Variants in PCDH11X observed in about 807,000 individuals in gnomAD.
PCDH11X encodes protocadherin 11 X-linked.
In PCDH11X, 18 loss-of-function variants were observed where a neutral mutation model predicts 53.3. The observed-to-expected ratio is 0.34, with a 90% CI of 0.23 to 0.50. The LOEUF is 0.50. PCDH11X is among the 20% of genes least tolerant of loss of function. PCDH11X has a pLI of 0.98. For missense variants in PCDH11X, 570 were observed against 1,032.4 expected (o/e 0.55, Z 6.14); for synonymous variants, 279 against 393.3 (o/e 0.71, Z 3.44).
chrX:92,042,022 G>A lies in PCDH11X; in HGVS notation c.3034-159353G>A, dbSNP rs1391178703. 2.7e-5 allele frequency among the ~76,000 whole-genome samples: 3 copies of A among 111,550 alleles called. No individual in the cohort carries two copies. In the East Asian group the frequency reaches 8.5e-4, roughly 32 times the overall value. ...CATTTTGATGTTATAGTGAGACATGGGATTATTGATAAATCAATTTTAATA... is the reference window on the plus strand; with the variant it reads ...CATTTTGATGTTATAGTGAGACATGAGATTATTGATAAATCAATTTTAATA... On this transcript the variant is annotated intron_variant, in intron 6 of 10. Coordinates refer to ENST00000682573, the MANE Select transcript of PCDH11X (RefSeq NM_032968.5).
chrX:92,023,005 C>T (rs765812809), intron 6 of PCDH11X, among the ~76,000 whole-genome samples: 27 of 110,687 alleles, frequency 2.4e-4, no homozygotes, highest in African/African-American at 8.9e-4. Flanking sequence ...ATCTCTTGGA[C>T]ACAGCTAAAG....
chrX:92,541,563 C>G (rs1040143509), intron 10 of PCDH11X, among the ~76,000 whole-genome samples: 1 of 111,398 alleles, frequency 9.0e-6, no homozygotes, highest in Non-Finnish European at 1.9e-5. Flanking sequence ...TGTGCAGATA[C>G]TTGTTAAAAT....
intron 10 of PCDH11X, among the ~76,000 whole-genome samples, chrX:92,584,781 T>C (rs1001879999): frequency 5.8e-5 from 5 of 85,859 alleles, no homozygotes; most frequent in African/African-American, 1.0e-4. Flanking sequence ...CATTATTCTC[T>C]TTTTTTCCTT....
chrX:92,491,264 G>A (rs777715285), intron 10 of PCDH11X, among the ~76,000 whole-genome samples: 3 of 110,726 alleles, frequency 2.7e-5, no homozygotes, highest in Non-Finnish European at 5.7e-5. Flanking sequence ...ATAATAAATC[G>A]CACTTTGAAA....
intron 8 of PCDH11X, among the ~76,000 whole-genome samples, chrX:92,354,655 C>T (rs35947359): frequency 9.0e-6 from 1 of 111,548 alleles, no homozygotes; most frequent in African/African-American, 3.3e-5. Flanking sequence ...GAATTCTGTA[C>T]TCCAAATATT....
chrX:91,824,707 G>C (rs1353826499), intron 4 of PCDH11X, among the ~76,000 whole-genome samples: 2 of 107,641 alleles, frequency 1.9e-5, no homozygotes, highest in African/African-American at 7.3e-5. Context: ...GCTTTGTTCC[G>C]TTGCTGGTGA....
intron 10 of PCDH11X, among the ~76,000 whole-genome samples, chrX:92,603,164 G>A (rs1410813717): frequency 9.7e-6 from 1 of 103,541 alleles, no homozygotes; most frequent in Non-Finnish European, 2.0e-5. Context: ...CAGTGCATTT[G>A]AACCAATAGA....
At chrX:92,248,566 A>G (rs2067396058) in intron 7 of PCDH11X, among the ~76,000 whole-genome samples, 1 of 111,656 alleles carries the variant, frequency 9.0e-6, no homozygotes, top group African/African-American at 3.3e-5. Context: ...AGCAGTTGTC[A>G]TTTCTTTTTG....
At chrX:92,131,430 G>C (rs1309396394) in intron 6 of PCDH11X, among the ~76,000 whole-genome samples, 1 of 111,244 alleles carries the variant, frequency 9.0e-6, no homozygotes, top group East Asian at 2.8e-4. Flanking sequence ...ACTTAATTTT[G>C]TTCCCGGACC....
chrX:92,575,841 G>C (rs1922759159), intron 10 of PCDH11X, among the ~76,000 whole-genome samples: 1 of 91,951 alleles, frequency 1.1e-5, no homozygotes, highest in Admixed American at 1.3e-4. Context: ...GTGACTCCTA[G>C]TATCATGCAC....
intron 10 of PCDH11X, among the ~76,000 whole-genome samples, chrX:92,600,294 G>C (rs1314904910): frequency 5.3e-4 from 59 of 110,529 alleles, no homozygotes; most frequent in Non-Finnish European, 1.0e-3. Flanking sequence ...CCTCATGGCA[G>C]CACCTACAGT....
At chrX:91,820,854 G>A (rs1228774473) in intron 4 of PCDH11X, among the ~76,000 whole-genome samples, 2 of 103,237 alleles carry the variant, frequency 1.9e-5, no homozygotes. Flanking sequence ...TTTATATAAG[G>A]TGTAAGGAAG....
chrX:92,250,630 T>A (rs959715830), intron 7 of PCDH11X, among the ~76,000 whole-genome samples: 6 of 105,869 alleles, frequency 5.7e-5, no homozygotes, highest in Non-Finnish European at 1.2e-4. Flanking sequence ...TGTATAAAAA[T>A]ATATATAAAA....
intron 6 of PCDH11X, among the ~76,000 whole-genome samples, chrX:91,968,128 C>T (rs1265237967): frequency 8.9e-6 from 1 of 111,778 alleles, no homozygotes; most frequent in East Asian, 2.8e-4. Flanking sequence ...TAAGAATCAA[C>T]TCTTCACTGT....
intron 6 of PCDH11X, among the ~76,000 whole-genome samples, chrX:92,118,069 C>G (rs1384495625): frequency 9.0e-6 from 1 of 111,344 alleles, no homozygotes; most frequent in Non-Finnish European, 1.9e-5. Context: ...TGTTTTAAAA[C>G]AGTAGTCTTA....
intron 6 of PCDH11X, among the ~76,000 whole-genome samples, chrX:92,119,002 A>G (rs970214594): frequency 9.1e-6 from 1 of 110,122 alleles, no homozygotes; most frequent in African/African-American, 3.3e-5. Context: ...CAGCCTCCCA[A>G]AGTGCTGGGA....
At chrX:92,138,185 C>T (rs887538014) in intron 6 of PCDH11X, among the ~76,000 whole-genome samples, 3 of 109,441 alleles carry the variant, frequency 2.7e-5, no homozygotes, top group African/African-American at 6.7e-5. Context: ...AGGACATGAT[C>T]TCATTCCTTT....
intron 10 of PCDH11X, among the ~76,000 whole-genome samples, chrX:92,616,346 A>G (rs1348210155): frequency 4.2e-5 from 3 of 70,873 alleles, no homozygotes; most frequent in Non-Finnish European, 7.9e-5. Flanking sequence ...ATATTTTCTA[A>G]TAGAAGTTGT....
intron 9 of PCDH11X, among the ~76,000 whole-genome samples, chrX:92,445,783 T>C (rs1252108099): frequency 9.0e-6 from 1 of 110,608 alleles, no homozygotes; most frequent in Non-Finnish European, 1.9e-5. Flanking sequence ...AGGAATTGCT[T>C]CTTTCTAGTA....
Sources: allele counts gnomAD v4.1 joint callset (sites outside exome capture counted in the v4.1 genomes callset), GRCh38; gene constraint gnomAD v4.1.1; transcripts MANE v1.5; gene names NCBI Gene and HGNC (gene_info 2026-07-23, HGNC 2026-07-21).